CCL17: variants seen among roughly 807,000 people sequenced by gnomAD.
The protein encoded by CCL17 is C-C motif chemokine 17.
A neutral mutation model predicts 7.4 loss-of-function variants in CCL17; 8 were observed. The observed-to-expected ratio is 1.09, with a 90% CI of 0.64 to 1.96. CCL17 has a LOEUF of 1.96. CCL17 is among the 30% of genes most tolerant of loss of function. The pLI is 0.00. For missense variants in CCL17, 102 were observed against 113.0 expected (o/e 0.90, Z 0.44); for synonymous variants, 40 against 46.1 (o/e 0.87, Z 0.54).
Position 57,415,062 on chromosome 16 carries a change from C to G in CCL17, c.71-19C>G, listed in dbSNP as rs750827742. 6.4e-7 allele frequency: 1 copy of G among 1,555,034 alleles called. No individual in the cohort carries two copies. The highest frequency in any genetic ancestry group is 2.2e-5 in the East Asian group (1 of 44,582). ...CGCAGACACTCACAGACACCCCTGC[C>G]CCGCTCCTCTCCCTGCAGCTCGAGG... On this transcript the variant is annotated intron_variant, in intron 2 of 3. Transcript: ENST00000219244. This position sits in a 1 kb window ranked among gnomAD's most constrained non-coding sequence, Gnocchi z 4.5.
At chr16:57,402,484 C>T (rs1226718672), upstream of CCL17, among the ~76,000 whole-genome samples, 1 of 152,194 alleles carries the variant, frequency 6.6e-6, no homozygotes, top group Non-Finnish European at 1.5e-5. Context: ...CGACTGCAGG[C>T]AGGCTGCCAG....
upstream of CCL17, among the ~76,000 whole-genome samples, chr16:57,400,051 G>A (rs1215540420): frequency 6.6e-6 from 1 of 152,152 alleles, no homozygotes; most frequent in African/African-American, 2.4e-5. Context: ...GAGAAGAAAT[G>A]TAACAATGTA....
intron 1 of CCL17, among the ~76,000 whole-genome samples, chr16:57,411,156 G>A (rs1028140682): frequency 3.3e-5 from 5 of 152,102 alleles, no homozygotes; most frequent in Non-Finnish European, 7.4e-5. Context: ...ACGAATTCTG[G>A]CCAGAGGCAG....
At chr16:57,409,824 G>A (rs1902755789) in intron 1 of CCL17, among the ~76,000 whole-genome samples, 2 of 152,140 alleles carry the variant, frequency 1.3e-5, no homozygotes, top group African/African-American at 4.8e-5. Context: ...TTTGGGGTCA[G>A]GGGTGGAAAT....
intron 1 of CCL17, among the ~76,000 whole-genome samples, chr16:57,406,239 C>T (rs1237574070): frequency 6.6e-6 from 1 of 152,150 alleles, no homozygotes; most frequent in African/African-American, 2.4e-5. Flanking sequence ...TTTGCCCAGG[C>T]TGGAGCGCAG....
At chr16:57,414,449 T>C (rs59247888) in intron 2 of CCL17, among the ~76,000 whole-genome samples, 8,834 of 141,552 alleles carry the variant, frequency 0.062, 485 homozygotes, top group African/African-American at 0.14. Flanking sequence ...GATGGAGTCT[T>C]GCGCTGTCGC....
upstream of CCL17, among the ~76,000 whole-genome samples, chr16:57,403,675 G>T (rs1379048918): frequency 6.3e-3 from 571 of 90,442 alleles, 13 homozygotes; most frequent in African/African-American, 0.024. Flanking sequence ...TATATTTTTT[G>T]AGATAGAGTC....
chr16:57,414,641 C>T (rs1474540152), intron 2 of CCL17, among the ~76,000 whole-genome samples: 2 of 152,168 alleles, frequency 1.3e-5, no homozygotes, highest in East Asian at 3.9e-4. Context: ...AGGCCATCCA[C>T]CCGCCTTGGC....
upstream of CCL17, among the ~76,000 whole-genome samples, chr16:57,403,415 ATT>A (rs1184941988): frequency 5.0e-5 from 1 of 20,200 alleles, no homozygotes; most frequent in Non-Finnish European, 6.9e-5. Flanking sequence ...TAATATATAT[ATT>A]ATATTATAAT....
At chr16:57,396,279 G>T in the CCL17 span, among the ~76,000 whole-genome samples, 1 of 152,234 alleles carries the variant, frequency 6.6e-6, no homozygotes. Flanking sequence ...TGCCTGTCCA[G>T]TTGGTGGGGA....
chr16:57,396,818 A>G, the CCL17 span, among the ~76,000 whole-genome samples: 2 of 152,202 alleles, frequency 1.3e-5, no homozygotes, highest in African/African-American at 4.8e-5. Flanking sequence ...GGCAGTCCTG[A>G]TAACAGGTTG....
At chr16:57,400,449 C>T (rs562040632), upstream of CCL17, among the ~76,000 whole-genome samples, 7 of 150,492 alleles carry the variant, frequency 4.7e-5, no homozygotes, top group South Asian at 1.5e-3. Flanking sequence ...GTATCTGGTA[C>T]AGTAATCTGG....
chr16:57,407,945 T>A (rs1449867301), intron 1 of CCL17, among the ~76,000 whole-genome samples: 3 of 151,310 alleles, frequency 2.0e-5, no homozygotes, highest in African/African-American at 7.3e-5. Context: ...TCTCTCACCA[T>A]CCGTCCACAC....
upstream of CCL17, among the ~76,000 whole-genome samples, chr16:57,403,658 A>ATT (rs1423774043): frequency 4.5e-5 from 4 of 89,036 alleles, no homozygotes; most frequent in African/African-American, 1.8e-4. Flanking sequence ...TATAATATAT[A>ATT]TATATATATA....
intron 1 of CCL17, among the ~76,000 whole-genome samples, chr16:57,406,333 G>C (rs1186542547): frequency 6.6e-6 from 1 of 152,070 alleles, no homozygotes; most frequent in African/African-American, 2.4e-5. Context: ...GTCTCACTAT[G>C]TTGCCCAGGC....
the CCL17 span, among the ~76,000 whole-genome samples, chr16:57,396,515 C>T: frequency 3.3e-5 from 5 of 152,224 alleles, no homozygotes; most frequent in East Asian, 9.7e-4. Context: ...CGTTTTGTAT[C>T]TACTAGGAAC....
At chr16:57,412,316 G>T (rs1454742889) in intron 1 of CCL17, among the ~76,000 whole-genome samples, 2 of 152,168 alleles carry the variant, frequency 1.3e-5, no homozygotes, top group Non-Finnish European at 2.9e-5. Context: ...AGCCCTTGCT[G>T]AGGGGTGGGG....
intron 1 of CCL17, among the ~76,000 whole-genome samples, chr16:57,408,989 T>C (rs1902743381): frequency 6.6e-6 from 1 of 152,168 alleles, no homozygotes; most frequent in Non-Finnish European, 1.5e-5. Context: ...GAATTACAGG[T>C]GTGAGCCACC....
chr16:57,410,715 G>A (rs762848477), intron 1 of CCL17, among the ~76,000 whole-genome samples: 3 of 152,162 alleles, frequency 2.0e-5, no homozygotes, highest in African/African-American at 4.8e-5. Flanking sequence ...GGATAAACTC[G>A]GTTAATCCCT....
Sources: gnomAD v4.1 joint callset for allele counts (sites outside exome capture counted in the v4.1 genomes callset) on GRCh38, gnomAD v4.1.1 for gene constraint, Gnocchi (gnomAD v3.1) non-coding constraint, MANE v1.5 for transcripts, NCBI Gene and HGNC (gene_info 2026-07-23, HGNC 2026-07-21) for gene names.